PRDM11: variants seen among roughly 807,000 people sequenced by gnomAD.
PRDM11 encodes PR/SET domain 11, also known as PR domain-containing protein 11.
A neutral mutation model predicts 97.8 loss-of-function variants in PRDM11; 20 were observed. The ratio of observed to expected loss-of-function variants is 0.20; its 90% CI spans 0.14 to 0.30. The LOEUF is 0.30. Among genes scored for constraint, PRDM11 ranks in the 10% least tolerant of loss-of-function variants. The probability of loss-of-function intolerance (pLI) is 1.00; values close to 1 mark genes in which losing one functional copy is unlikely to be tolerated. For missense variants in PRDM11, 1,139 were observed against 1,555.2 expected (o/e 0.73, Z 4.50); for synonymous variants, 599 against 637.7 (o/e 0.94, Z 0.91).
chr11:45,102,781 C>G (rs1852000047), intron 1 of PRDM11, among the ~76,000 whole-genome samples: 1 of 152,252 alleles, frequency 6.6e-6, no homozygotes. Flanking sequence ...GAAGGTGGTG[C>G]CTGGCCCATT....
chr11:45,217,596 C>A (rs1853994880), intron 5 of PRDM11, among the ~76,000 whole-genome samples: 1 of 152,200 alleles, frequency 6.6e-6, no homozygotes. Flanking sequence ...TGGTCTTACT[C>A]CTTCTGAGGT....
intron 1 of PRDM11, among the ~76,000 whole-genome samples, chr11:45,162,953 GGGTCCAGTGT>G (rs1184276649): frequency 1.3e-5 from 2 of 152,242 alleles, no homozygotes; most frequent in African/African-American, 4.8e-5. Flanking sequence ...CTGATGGGGA[GGGTCCAGTGT>G]GGTGATATTT....
intron 1 of PRDM11, among the ~76,000 whole-genome samples, chr11:45,122,062 T>C (rs974799255): frequency 5.3e-5 from 8 of 151,210 alleles, no homozygotes; most frequent in Non-Finnish European, 7.4e-5. Context: ...AAAGAAATAG[T>C]AAAGATGAAA....
At position 45,183,053 on chromosome 11, in the gene PRDM11, G is replaced by A. The variant is rs755767442; in HGVS notation, c.416G>A (p.Gly139Asp). The A allele has an allele frequency of 1.9e-6, 3 of 1,613,994 alleles. No individual in the cohort carries two copies. Among genetic ancestry groups the A allele is most frequent in the South Asian group, 1.1e-5 (1 of 91,090 alleles). ...VRCVNEVIPK[G>D]HIFGPYEGQI... ...TGTGTAAACGAGGTCATCCCCAAGG[G>A]CCACATCTTCGGCCCCTATGAGGGG... is the stretch of plus-strand genomic sequence containing the variant. The change falls in exon 4 of 8, where the codon GGC becomes GAC. Residue 139 changes from glycine (G) to aspartate (D), a missense_variant. This residue lies in a region of PRDM11 where 429 missense variants were observed against 510.3 expected (regional missense o/e 0.84). Coordinates refer to ENST00000683152, the MANE Select transcript of PRDM11 (RefSeq NM_001384648.1).
intron 1 of PRDM11, among the ~76,000 whole-genome samples, chr11:45,152,217 C>A (rs1851676871): frequency 6.6e-6 from 1 of 152,126 alleles, no homozygotes; most frequent in Non-Finnish European, 1.5e-5. Flanking sequence ...CAGGCACATA[C>A]CACCACACTT....
At chr11:45,163,846 G>A (rs1468633480) in intron 1 of PRDM11, among the ~76,000 whole-genome samples, 1 of 152,222 alleles carries the variant, frequency 6.6e-6, no homozygotes, top group East Asian at 1.9e-4. Context: ...AACTGGGCTT[G>A]GAGTTGAGGG....
chr11:45,122,518 G>GTA (rs1852460355), intron 1 of PRDM11, among the ~76,000 whole-genome samples: 1 of 135,638 alleles, frequency 7.4e-6, no homozygotes, highest in Non-Finnish European at 1.5e-5. Context: ...AGTCCCTGGA[G>GTA]TGTGATGTTC....
At chr11:45,218,469 T>A (rs1854019618) in intron 5 of PRDM11, among the ~76,000 whole-genome samples, 1 of 152,246 alleles carries the variant, frequency 6.6e-6, no homozygotes, top group Non-Finnish European at 1.5e-5. Flanking sequence ...TTCTGTGAAT[T>A]TTTGTTTCCC....
intron 1 of PRDM11, among the ~76,000 whole-genome samples, chr11:45,112,920 T>C (rs1190299678): frequency 6.6e-6 from 1 of 152,222 alleles, no homozygotes; most frequent in African/African-American, 2.4e-5. Context: ...ACTCTGCTGA[T>C]TATTTCTTTT....
Position 45,219,546 on chromosome 11 carries a change from T to TCACCTGTCTCCCCTCCC in PRDM11, c.555-19_555-3dup, listed in dbSNP as rs1427548709. Reference sequence around the variant, plus strand: ...TCAACAAAGGGTGGCCCGTGCGTTCTCACCTGTCTCCCCTCCCCACCAGGT... The same window carrying TCACCTGTCTCCCCTCCC: ...TCAACAAAGGGTGGCCCGTGCGTTCTCACCTGTCTCCCCTCCCCACCTGTCTCCCCTCCCCACCAGGT... On this transcript the variant is annotated intron_variant, in intron 5 of 7. Transcript: ENST00000683152. This position sits in a 1 kb window ranked among gnomAD's most constrained non-coding sequence, Gnocchi z 4.2. The TCACCTGTCTCCCCTCCC allele has an allele frequency of 1.2e-6, 2 of 1,601,950 alleles. No individual in the cohort carries two copies. Among genetic ancestry groups the TCACCTGTCTCCCCTCCC allele is most frequent in the Admixed American group, 3.3e-5 (2 of 59,802 alleles).
Position 45,182,309 on chromosome 11 carries a change from C to T in PRDM11, c.183C>T (p.Asp61=), listed in dbSNP as rs199909614. The T allele has an allele frequency of 2.5e-6, 4 of 1,614,048 alleles. No homozygotes were observed. In the Admixed American group the frequency reaches 6.7e-5, roughly 27 times the overall value. The change falls in exon 3 of 8, where the codon GAC becomes GAT. Residue 61 remains aspartate (D), a synonymous_variant. Transcript: ENST00000683152. ...CCAAGAAACTGAAGGGGAAGCGCGA[C>T]CTCATCGTGCCCAAAAGCTTCCAGC... ...VEPKKLKGKR[D]LIVPKSFQQV... is the part of the protein sequence containing the mutation.
intron 1 of PRDM11, among the ~76,000 whole-genome samples, chr11:45,174,189 C>T (rs1393762434): frequency 3.9e-5 from 6 of 152,158 alleles, no homozygotes; most frequent in Non-Finnish European, 8.8e-5. Context: ...CATTATCACT[C>T]ATCCAGATTA....
intron 1 of PRDM11, among the ~76,000 whole-genome samples, chr11:45,171,906 ACAATT>A (rs56328463): frequency 2.0e-5 from 3 of 151,352 alleles, no homozygotes; most frequent in Non-Finnish European, 3.0e-5. Flanking sequence ...TGGGTGTCCA[ACAATT>A]CAATTCAATT....
chr11:45,166,931 A>G (rs549142586), intron 1 of PRDM11, among the ~76,000 whole-genome samples: 1 of 152,274 alleles, frequency 6.6e-6, no homozygotes, highest in Admixed American at 6.5e-5. Flanking sequence ...TGATCACATC[A>G]CTTTGAATTC....
intron 1 of PRDM11, among the ~76,000 whole-genome samples, chr11:45,109,693 G>A (rs1166983575): frequency 6.6e-6 from 1 of 152,170 alleles, no homozygotes; most frequent in Non-Finnish European, 1.5e-5. Context: ...GATCTTTCCA[G>A]GGAAAGCAGG....
intron 1 of PRDM11, among the ~76,000 whole-genome samples, chr11:45,173,172 TG>T (rs1852242980): frequency 6.6e-6 from 1 of 152,172 alleles, no homozygotes; most frequent in Non-Finnish European, 1.5e-5. Context: ...AGCCCAGCCC[TG>T]GTGCTGGGCA....
Position 45,182,916 on chromosome 11 carries a change from G to A in PRDM11, c.279G>A (p.Pro93=), listed in dbSNP as rs557712599. The A allele has an allele frequency of 3.3e-5, 54 of 1,612,484 alleles. No individual in the cohort carries two copies. The highest frequency in any genetic ancestry group is 8.8e-5 in the South Asian group (8 of 91,002). ...FVDECPNHGP[P]VFVSDTPVPV... ...ATGAATGCCCAAACCATGGCCCCCC[G>A]GTGTTTGTGTCTGACACACCGGTGC... Residue 93 remains proline (P), a synonymous_variant, in exon 4 of 8, where the codon CCG becomes CCA. Coordinates refer to ENST00000683152, the MANE Select transcript of PRDM11 (RefSeq NM_001384648.1).
At chr11:45,142,565 G>A (rs756260334), upstream of PRDM11, among the ~76,000 whole-genome samples, 1 of 152,186 alleles carries the variant, frequency 6.6e-6, no homozygotes, top group Non-Finnish European at 1.5e-5. Context: ...TAATGGGGGA[G>A]ATTTTCTGGA....
chr11:45,203,754 G>A (rs1853413226), intron 4 of PRDM11, among the ~76,000 whole-genome samples: 2 of 151,906 alleles, frequency 1.3e-5, no homozygotes, highest in African/African-American at 4.8e-5. Flanking sequence ...CCAAGTAGCT[G>A]GGACTACAGG....
Sources: allele counts gnomAD v4.1 joint callset (sites outside exome capture counted in the v4.1 genomes callset), GRCh38; gene constraint gnomAD v4.1.1; regional missense constraint gnomAD v4.1.1; non-coding constraint Gnocchi (gnomAD v3.1); transcripts MANE v1.5; gene names NCBI Gene and HGNC (gene_info 2026-07-23, HGNC 2026-07-21).